COL21A1: variants seen among roughly 807,000 people sequenced by gnomAD.
The protein encoded by COL21A1 is collagen type XXI alpha 1 chain, also known as collagen alpha-1(XXI) chain.
In COL21A1, 149 loss-of-function variants were observed where a neutral mutation model predicts 137.9. The observed-to-expected ratio is 1.08, with a 90% CI of 0.95 to 1.24. The LOEUF (loss-of-function observed/expected upper bound fraction) is 1.24, where lower values mean the gene tolerates loss of function less well. Ranked by LOEUF, COL21A1 falls within the 50% of genes most tolerant of loss-of-function variation. The pLI is 0.00. For missense variants in COL21A1, 1,167 were observed against 1,158.4 expected (o/e 1.01, Z -0.11); for synonymous variants, 456 against 391.5 (o/e 1.16, Z -1.95).
At chr6:56,082,864 C>A (rs1014961308) in intron 17 of COL21A1, among the ~76,000 whole-genome samples, 3 of 151,714 alleles carry the variant, frequency 2.0e-5, no homozygotes, top group African/African-American at 7.3e-5. Flanking sequence ...TTATTTATAA[C>A]CTCATATTTT....
At chr6:56,180,210 G>T in intron 2 of COL21A1, 81 bp from the exon 3 acceptor site, 1 of 1,022,018 alleles carries the variant, frequency 9.8e-7, no homozygotes, top group Non-Finnish European at 1.4e-6. Flanking sequence ...ATGAGTTTCA[G>T]CTATACACTA....
chr6:56,281,529 A>C (rs1203159905), intron 1 of COL21A1, among the ~76,000 whole-genome samples: 1 of 152,174 alleles, frequency 6.6e-6, no homozygotes, highest in Non-Finnish European at 1.5e-5. Flanking sequence ...TACTTCCAGA[A>C]TTTTATAATT....
chr6:56,387,321 G>A (rs888925806), intron 1 of COL21A1, among the ~76,000 whole-genome samples: 9 of 152,100 alleles, frequency 5.9e-5, no homozygotes, highest in African/African-American at 1.9e-4. Flanking sequence ...GGATTCCAAT[G>A]AGAATTATTT....
At chr6:56,355,059 T>C (rs1320874365) in intron 1 of COL21A1, among the ~76,000 whole-genome samples, 2 of 151,972 alleles carry the variant, frequency 1.3e-5, no homozygotes, top group African/African-American at 4.8e-5. Flanking sequence ...CTCAGGGGGT[T>C]CTCGTTGTAG....
chr6:56,154,639 G>A (rs1775603792), intron 10 of COL21A1, among the ~76,000 whole-genome samples: 1 of 152,074 alleles, frequency 6.6e-6, no homozygotes, highest in African/African-American at 2.4e-5. Context: ...CTCCTGCATA[G>A]TCTCCTTTCT....
chr6:56,160,033 G>A (rs1243053089), intron 9 of COL21A1, among the ~76,000 whole-genome samples: 1 of 152,138 alleles, frequency 6.6e-6, no homozygotes, highest in Non-Finnish European at 1.5e-5. Flanking sequence ...ATTTCTTGTA[G>A]GTTCTGCTAT....
chr6:56,331,322 CT>C (rs1429104957), intron 1 of COL21A1, among the ~76,000 whole-genome samples: 1 of 150,738 alleles, frequency 6.6e-6, no homozygotes, highest in African/African-American at 2.4e-5. Context: ...TGTTGCATTT[CT>C]TTTTTAGGTC....
chr6:56,107,924 AAAC>A (rs1443849964), intron 16 of COL21A1, among the ~76,000 whole-genome samples: 1 of 152,010 alleles, frequency 6.6e-6, no homozygotes, highest in Non-Finnish European at 1.5e-5. Flanking sequence ...AGGTAGAAAT[AAAC>A]AAGAAGAAAA....
intron 16 of COL21A1, among the ~76,000 whole-genome samples, chr6:56,101,748 A>ATTGGG (rs146814761): frequency 7.5e-6 from 1 of 132,862 alleles, no homozygotes; most frequent in Non-Finnish European, 1.7e-5. Flanking sequence ...ATGGCAGATA[A>ATTGGG]TTAAGTTATT....
intron 16 of COL21A1, among the ~76,000 whole-genome samples, chr6:56,112,680 C>CTTTTTTTTTTTTTTTT (rs777172358): frequency 7.7e-6 from 1 of 129,678 alleles, no homozygotes; most frequent in African/African-American, 2.9e-5. Context: ...TTTTTCTTTT[C>CTTTTTTTTTTTTTTTT]TTTTTTCTTT....
chr6:56,261,040 G>T (rs549866320), intron 1 of COL21A1, among the ~76,000 whole-genome samples: 2 of 63,156 alleles, frequency 3.2e-5, no homozygotes, highest in East Asian at 1.0e-3. Context: ...CTGGTTCTTG[G>T]TTTTCTTGAC....
chr6:56,321,627 C>T (rs1764870340), intron 1 of COL21A1, among the ~76,000 whole-genome samples: 1 of 152,094 alleles, frequency 6.6e-6, no homozygotes. Context: ...AACAACTCAC[C>T]ACATCAACAA....
rs1582236332 is a variant in COL21A1 at position 56,069,085 on chromosome 6, T to G, written c.2052A>C (p.Glu684Asp). 1 of 1,600,538 alleles carries G rather than the reference T, an allele frequency of 6.2e-7. No homozygotes were observed. The change falls in exon 22 of 30, where the codon GAA (glutamate) becomes GAC (aspartate). Residue 684 changes from glutamate to aspartate, a missense_variant. Glu to Asp is a conservative substitution (Grantham distance 45, BLOSUM62 2). Coordinates refer to ENST00000244728, the MANE Select transcript of COL21A1 (RefSeq NM_030820.4). ...GEPGATGSPG[E>D]PGYMGLPGIQ... Reference sequence around the variant, plus strand: ...TCCCGGGTAAACCCATGTATCCTGGTTCTCCTGGGGAACCCGTTGCTCCTG... The same window carrying G: ...TCCCGGGTAAACCCATGTATCCTGGGTCTCCTGGGGAACCCGTTGCTCCTG...
intron 1 of COL21A1, among the ~76,000 whole-genome samples, chr6:56,336,963 T>C (rs548751324): frequency 6.6e-6 from 1 of 152,338 alleles, no homozygotes; most frequent in African/African-American, 2.4e-5. Context: ...ATACTCTCTA[T>C]GCCTTTTTTC....
intron 1 of COL21A1, among the ~76,000 whole-genome samples, chr6:56,254,766 TC>T (rs1782928071): frequency 1.3e-5 from 2 of 152,210 alleles, no homozygotes; most frequent in Non-Finnish European, 2.9e-5. Flanking sequence ...CTCTTAGCAG[TC>T]CTCGATTTCT....
intron 1 of COL21A1, among the ~76,000 whole-genome samples, chr6:56,363,403 C>A (rs1766021098): frequency 6.6e-6 from 1 of 152,184 alleles, no homozygotes; most frequent in South Asian, 2.1e-4. Context: ...CTGAGGCTTA[C>A]AGAGGTTAAG....
chr6:56,111,366 C>T (rs1156261941), intron 16 of COL21A1, among the ~76,000 whole-genome samples: 1 of 151,988 alleles, frequency 6.6e-6, no homozygotes, highest in African/African-American at 2.4e-5. Context: ...GATCCTGGCA[C>T]AGAAAAATTA....
intron 1 of COL21A1, among the ~76,000 whole-genome samples, chr6:56,213,962 A>G (rs976257091): frequency 2.6e-4 from 40 of 152,126 alleles, no homozygotes; most frequent in African/African-American, 9.6e-4. Context: ...TTAAAAATAA[A>G]AAACAAAAAT....
intron 1 of COL21A1, among the ~76,000 whole-genome samples, chr6:56,345,284 TG>T (rs1465910047): frequency 2.6e-5 from 4 of 152,156 alleles, no homozygotes; most frequent in South Asian, 2.1e-4. Flanking sequence ...GCATGACTGC[TG>T]GGGGGAGATA....
Sources: allele counts gnomAD v4.1 joint callset (sites outside exome capture counted in the v4.1 genomes callset), GRCh38; gene constraint gnomAD v4.1.1; transcripts MANE v1.5; gene names NCBI Gene and HGNC (gene_info 2026-07-23, HGNC 2026-07-21).